The following KCNQ1 variants were observed in gnomAD, a reference collection of about 807,000 sequenced individuals.
KCNQ1 encodes the protein potassium voltage-gated channel subfamily KQT member 1.
In KCNQ1, 49 loss-of-function variants were observed where a neutral mutation model predicts 72.4. That is an observed-to-expected ratio of 0.68 (90% CI 0.54 to 0.86). The LOEUF (loss-of-function observed/expected upper bound fraction) is 0.86. Ranked by LOEUF, KCNQ1 falls within the 40% of genes least tolerant of loss-of-function variation. The probability of loss-of-function intolerance (pLI) is 0.00; values close to 1 mark genes in which losing one functional copy is unlikely to be tolerated. For missense variants in KCNQ1, 790 were observed against 945.1 expected (o/e 0.84, Z 2.15); for synonymous variants, 450 against 412.6 (o/e 1.09, Z -1.10).
rs1847292112 is a variant in KCNQ1, at chr11:2,516,554, C to CTGTTG, written c.387-11374_387-11373insTGTTG. Among the ~76,000 whole-genome samples the CTGTTG allele has an allele frequency of 6.6e-6, 1 of 152,150 alleles. No individual in the cohort carries two copies. The highest frequency in any genetic ancestry group is 1.5e-5 in the Non-Finnish European group (1 of 68,030). On this transcript the variant is annotated intron_variant, in intron 1 of 15. Coordinates refer to ENST00000155840, the MANE Select transcript of KCNQ1 (RefSeq NM_000218.3). This position sits in a 1 kb window ranked among gnomAD's most constrained non-coding sequence, Gnocchi z 7.0. ...TTCGGTTGCCCTTGCTTGATGTTTA[C>CTGTTG]ATGCCACTGTTGGGTGCTCCTGATT...
At position 2,605,736 on chromosome 11, in the gene KCNQ1, T is replaced by G. The variant is rs1396817153; in HGVS notation, c.1393+16882T>G. 3.3e-5 allele frequency among the ~76,000 whole-genome samples: 5 copies of G among 152,336 alleles called. No homozygotes were observed. The East Asian group carries it at 7.7e-4, about 23-fold the overall frequency. On this transcript the variant is annotated intron_variant, in intron 10 of 15. Transcript: ENST00000155840. Reference sequence around the variant, plus strand: ...GAAGTATGAAGCCTCCAACTTTTCTTTTTCAAAATTGTTGCTATTCTGGGT... The same window carrying G: ...GAAGTATGAAGCCTCCAACTTTTCTGTTTCAAAATTGTTGCTATTCTGGGT...
Position 2,644,544 on chromosome 11 carries a change from T to C in KCNQ1, c.1394-17417T>C, listed in dbSNP as rs1849637113. ...TAATATTATATTGAATTTTTCAAGG[T>C]TTCATCAATTTCTTTTTCACTGGAA... is the stretch of plus-strand genomic sequence containing the variant. On this transcript the variant is annotated intron_variant, in intron 10 of 15. Transcript: ENST00000155840. 7.5e-6 allele frequency: 3 copies of C among 398,364 alleles called. No homozygotes were observed. The South Asian group carries it at 3.8e-4, about 51-fold the overall frequency. The allele number at this position is 398,364 out of a possible 1,614,324, so 24.7% of individuals were successfully genotyped here.
rs1438265491 is a variant in KCNQ1 at position 2,538,087 on chromosome 11, C to T, written c.477+10069C>T. Among the ~76,000 whole-genome samples, 5 of 152,164 alleles carry T rather than the reference C, an allele frequency of 3.3e-5. No homozygotes were observed. The highest frequency in any genetic ancestry group is 6.5e-5 in the Admixed American group (1 of 15,282). ...TATGACCGTTTCTCCGTATAAAGCC[C>T]GTGTATATCCTCTGGAATGAGGACC... On this transcript the variant is annotated intron_variant, in intron 2 of 15. Coordinates refer to ENST00000155840, the MANE Select transcript of KCNQ1 (RefSeq NM_000218.3). This position sits in a 1 kb window ranked among gnomAD's most constrained non-coding sequence, Gnocchi z 6.7.
At chr11:2,776,960 A>G in intron 13 of KCNQ1, 26 bp from the exon 14 acceptor site, 1 of 1,613,024 alleles carries the variant, frequency 6.2e-7, no homozygotes, top group Non-Finnish European at 8.5e-7. Context: ...CCAGGTGTGA[A>G]CTGGTGTCTG....
intron 11 of KCNQ1, among the ~76,000 whole-genome samples, chr11:2,763,545 GTTTTA>G (rs1846446351): frequency 6.6e-6 from 1 of 151,858 alleles, no homozygotes; most frequent in Non-Finnish European, 1.5e-5. Context: ...TAATTGATAT[GTTTTA>G]TTTTCTAATT....
chr11:2,578,124 A>G (rs2133741979), intron 6 of KCNQ1, among the ~76,000 whole-genome samples: 1 of 152,342 alleles, frequency 6.6e-6, no homozygotes, highest in East Asian at 1.9e-4. Context: ...CACTTTACAA[A>G]TTCCAGGAGT....
rs897236523 is a variant in KCNQ1 at position 2,491,673 on chromosome 11, A to G, written c.387-36255A>G. Among the ~76,000 whole-genome samples, 1 of 152,188 alleles carries G rather than the reference A, an allele frequency of 6.6e-6. No individual in the cohort carries two copies. The highest frequency in any genetic ancestry group is 6.5e-5 in the Admixed American group (1 of 15,278). On this transcript the variant is annotated intron_variant, in intron 1 of 15. Coordinates refer to ENST00000155840, the MANE Select transcript of KCNQ1 (RefSeq NM_000218.3). The surrounding 1 kb of genome is among the most constrained non-coding windows in gnomAD (Gnocchi z 4.1). ...AAAGCTTATTCAAAGGGATACTAAC[A>G]TAGAACTTCCCAAACCTAGAGAAAG...
rs759649731 is a variant in KCNQ1, at chr11:2,516,366, G to A, written c.387-11562G>A. Among the ~76,000 whole-genome samples the A allele has an allele frequency of 2.0e-5, 3 of 152,036 alleles. No individual in the cohort carries two copies. The highest frequency in any genetic ancestry group is 4.4e-5 in the Non-Finnish European group (3 of 68,014). ...CCAGCGTCCCCTCATGCCTGGGACC[G>A]CTGACCCACCGGGATTCTTGGGGGC... On this transcript the variant is annotated intron_variant, in intron 1 of 15. Transcript: ENST00000155840. This position sits in a 1 kb window ranked among gnomAD's most constrained non-coding sequence, Gnocchi z 7.0.
chr11:2,687,667 G>A lies in KCNQ1; in HGVS notation c.1514+25586G>A, dbSNP rs1388496998. 1 of 398,560 alleles carries A rather than the reference G, an allele frequency of 2.5e-6. No individual in the cohort carries two copies. Among genetic ancestry groups the A allele is most frequent in the Non-Finnish European group, 4.4e-6 (1 of 226,134 alleles). The allele number at this position is 398,560 out of a possible 1,614,324, so 24.7% of individuals were successfully genotyped here. A position where few individuals can be genotyped will look rare whatever the true frequency, so the allele number is the denominator to read the frequency against. ...AATTGGGACCTGTCCTTGCCAGCCA[G>A]GTCTCAGGGAGCTCAGGGTTCAGTG... On this transcript the variant is annotated intron_variant, in intron 11 of 15. Coordinates refer to ENST00000155840, the MANE Select transcript of KCNQ1 (RefSeq NM_000218.3). The surrounding 1 kb of genome is among the most constrained non-coding windows in gnomAD (Gnocchi z 5.0).
rs34409744 is a variant in KCNQ1 at position 2,522,270 on chromosome 11, T to TG, written c.387-5649dup. ...ACAGCATTCAGGGGACCACATGAGC[T>TG]GGGGGGGGGTCGGTGTCTTCTCTCC... On this transcript the variant is annotated intron_variant, in intron 1 of 15. Transcript: ENST00000155840. Among the ~76,000 whole-genome samples, 835 of 151,172 alleles carry TG rather than the reference T, an allele frequency of 5.5e-3. 5 individuals carry two copies. Among genetic ancestry groups the TG allele is most frequent in the East Asian group, 0.015 (79 of 5,102 alleles).
intron 11 of KCNQ1, among the ~76,000 whole-genome samples, chr11:2,747,903 G>A (rs1590066363): frequency 6.6e-6 from 1 of 152,118 alleles, no homozygotes; most frequent in South Asian, 2.1e-4. Context: ...TTACCAGATG[G>A]GGAGCGATAA....
rs558855371 is a variant in KCNQ1, at chr11:2,478,660, C to A, written c.386+33176C>A. ...TGGGAATTATGGGAGCTACAATTCACGATGAGATTTGGGTGGGGACACAGC... is the reference window on the plus strand; with the variant it reads ...TGGGAATTATGGGAGCTACAATTCAAGATGAGATTTGGGTGGGGACACAGC... On this transcript the variant is annotated intron_variant, in intron 1 of 15. Coordinates refer to ENST00000155840, the MANE Select transcript of KCNQ1 (RefSeq NM_000218.3). This position sits in a 1 kb window ranked among gnomAD's most constrained non-coding sequence, Gnocchi z 4.0. 5.3e-5 allele frequency among the ~76,000 whole-genome samples: 8 copies of A among 152,258 alleles called. No individual in the cohort carries two copies. Among genetic ancestry groups the A allele is most frequent in the Admixed American group, 3.3e-4 (5 of 15,292 alleles).
In KCNQ1 at chr11:2,642,648, AG is replaced by A. The variant is rs1378170982; in HGVS notation, c.1394-19312del. On this transcript the variant is annotated intron_variant, in intron 10 of 15. Coordinates refer to ENST00000155840, the MANE Select transcript of KCNQ1 (RefSeq NM_000218.3). The surrounding 1 kb of genome is among the most constrained non-coding windows in gnomAD (Gnocchi z 4.3). ...TTTCATTGATCCTTTATATTTATTT[AG>A]TTTCTTGTTTAGTTCTGCTCTGATC... 5.8e-5 allele frequency: 23 copies of A among 397,226 alleles called. No individual in the cohort carries two copies. Among genetic ancestry groups the A allele is most frequent in the Non-Finnish European group, 9.3e-5 (21 of 225,488 alleles). The allele number at this position is 397,226 out of a possible 1,614,324, so 24.6% of individuals were successfully genotyped here. A position where few individuals can be genotyped will look rare whatever the true frequency, so the allele number is the denominator to read the frequency against.
rs1288698852 is a variant in KCNQ1, at chr11:2,768,173, G to A, written c.1515-671G>A. ...CAGGCGTTAGCTTCACTGCCAGGAGGGAATCTCCTGTGGCCTCCATGGCGC... is the reference window on the plus strand; with the variant it reads ...CAGGCGTTAGCTTCACTGCCAGGAGAGAATCTCCTGTGGCCTCCATGGCGC... On this transcript the variant is annotated intron_variant, in intron 11 of 15. Coordinates refer to ENST00000155840, the MANE Select transcript of KCNQ1 (RefSeq NM_000218.3). The surrounding 1 kb of genome is among the most constrained non-coding windows in gnomAD (Gnocchi z 6.7). Among the ~76,000 whole-genome samples the A allele has an allele frequency of 6.6e-6, 1 of 152,176 alleles. No individual in the cohort carries two copies. The highest frequency in any genetic ancestry group is 2.4e-5 in the African/African-American group (1 of 41,420).
chr11:2,757,915 A>G (rs1846331005), intron 11 of KCNQ1, among the ~76,000 whole-genome samples: 1 of 152,114 alleles, frequency 6.6e-6, no homozygotes, highest in South Asian at 2.1e-4. Context: ...AAATTAACTC[A>G]AGAGCCACCT....
chr11:2,615,578 T>G (rs1849047322), intron 10 of KCNQ1: 2 of 398,072 alleles, frequency 5.0e-6, no homozygotes, highest in East Asian at 3.6e-5. Context: ...AGTTCCATGT[T>G]TTTATCCTGA....
chr11:2,587,263 G>A (rs1296514250), intron 8 of KCNQ1, among the ~76,000 whole-genome samples: 1 of 152,228 alleles, frequency 6.6e-6, no homozygotes, highest in Non-Finnish European at 1.5e-5. Context: ...GCCCACCTTT[G>A]CAAGTCTCTC....
rs1409814657 is a variant in KCNQ1 at position 2,536,520 on chromosome 11, G to A, written c.477+8502G>A. ...GGGAGACATGCTGAGCCCTCCCAGC[G>A]AGACACTGAGGGTCGGGAGGGTAAC... On this transcript the variant is annotated intron_variant, in intron 2 of 15. Coordinates refer to ENST00000155840, the MANE Select transcript of KCNQ1 (RefSeq NM_000218.3). This position sits in a 1 kb window ranked among gnomAD's most constrained non-coding sequence, Gnocchi z 7.4. 1.3e-5 allele frequency among the ~76,000 whole-genome samples: 2 copies of A among 152,132 alleles called. No homozygotes were observed. Among genetic ancestry groups the A allele is most frequent in the African/African-American group, 2.4e-5 (1 of 41,424 alleles).
At chr11:2,648,931 T>G (rs1481541231) in intron 10 of KCNQ1, 1 of 398,048 alleles carries the variant, frequency 2.5e-6, no homozygotes, top group Non-Finnish European at 4.4e-6. Flanking sequence ...CTTGCTGAAT[T>G]GATCCATTTA....
Sources: gnomAD v4.1 joint callset for allele counts (sites outside exome capture counted in the v4.1 genomes callset) on GRCh38, gnomAD v4.1.1 for gene constraint, Gnocchi (gnomAD v3.1) non-coding constraint, MANE v1.5 for transcripts, NCBI Gene and HGNC (gene_info 2026-07-23, HGNC 2026-07-21) for gene names.